EVA1C: variants seen among roughly 807,000 people sequenced by gnomAD.
EVA1C encodes protein eva-1 homolog C.
In EVA1C, 25 loss-of-function variants were observed where a neutral mutation model predicts 45.4. The ratio of observed to expected loss-of-function variants is 0.55; its 90% CI spans 0.40 to 0.77. The LOEUF is 0.77. Among genes scored for constraint, EVA1C ranks in the 30% least tolerant of loss-of-function variants. The pLI, the probability that EVA1C is intolerant of heterozygous loss-of-function variation, is 0.00. For missense variants in EVA1C, 479 were observed against 554.8 expected, an observed-to-expected ratio of 0.86 and a Z score of 1.37; for synonymous variants, 190 against 221.2, an observed-to-expected ratio of 0.86 and a Z score of 1.25.
chr21:32,510,361 C>T (rs562247514), intron 7 of EVA1C, among the ~76,000 whole-genome samples: 10 of 152,170 alleles, frequency 6.6e-5, no homozygotes, highest in African/African-American at 1.9e-4. Flanking sequence ...GGCCGATTTC[C>T]GCCATTACTT....
At chr21:32,413,232 T>C (rs1451076616) in intron 1 of EVA1C, among the ~76,000 whole-genome samples, 3 of 152,246 alleles carry the variant, frequency 2.0e-5, no homozygotes, top group Admixed American at 1.3e-4. Context: ...GTGTAATGTA[T>C]TCAGAGTTTC....
chr21:32,510,511 T>C (rs1191866914), intron 7 of EVA1C, among the ~76,000 whole-genome samples: 1 of 152,164 alleles, frequency 6.6e-6, no homozygotes, highest in Non-Finnish European at 1.5e-5. Flanking sequence ...CTGTGGTCGC[T>C]TTTGCACTAC....
chr21:32,473,854 T>C (rs2036467098), intron 4 of EVA1C: 1 of 936,274 alleles, frequency 1.1e-6, no homozygotes. Context: ...GAACCTTCCA[T>C]GTGAGGCTGA....
intron 1 of EVA1C, among the ~76,000 whole-genome samples, chr21:32,447,861 A>G (rs1382310693): frequency 6.6e-6 from 1 of 152,020 alleles, no homozygotes; most frequent in Non-Finnish European, 1.5e-5. Flanking sequence ...GCCTGCCACC[A>G]CGTCCGGCTA....
At chr21:32,463,780 A>G (rs2036082208) in intron 3 of EVA1C, among the ~76,000 whole-genome samples, 1 of 127,598 alleles carries the variant, frequency 7.8e-6, no homozygotes, top group Non-Finnish European at 1.6e-5. Context: ...ATTTTGATTT[A>G]TAAAAAAAGA....
chr21:32,448,985 G>A (rs11910796), intron 1 of EVA1C, among the ~76,000 whole-genome samples: 2,447 of 144,904 alleles, frequency 0.017, 68 homozygotes, highest in African/African-American at 0.06. Flanking sequence ...GAAAGAAAGA[G>A]AGAAAGAAAG....
At chr21:32,434,293 C>G in intron 1 of EVA1C, among the ~76,000 whole-genome samples, 1 of 149,022 alleles carries the variant, frequency 6.7e-6, no homozygotes, top group Non-Finnish European at 1.5e-5. Context: ...AGGATTCTGT[C>G]TCAAAATAAA....
At chr21:32,497,355 T>C in intron 5 of EVA1C, 1 of 440,160 alleles carries the variant, frequency 2.3e-6, no homozygotes, top group Non-Finnish European at 4.1e-6. Flanking sequence ...CAAGAAACCA[T>C]GGGTTTCCTG....
At chr21:32,484,840 T>A (rs2146365834) in intron 4 of EVA1C, among the ~76,000 whole-genome samples, 1 of 152,306 alleles carries the variant, frequency 6.6e-6, no homozygotes, top group African/African-American at 2.4e-5. Flanking sequence ...GCCACGCCAC[T>A]GGAGGAAGTT....
At chr21:32,421,549 C>A (rs2034273048) in intron 1 of EVA1C, among the ~76,000 whole-genome samples, 1 of 152,064 alleles carries the variant, frequency 6.6e-6, no homozygotes, top group Non-Finnish European at 1.5e-5. Context: ...ACTGGGAAAC[C>A]CAAGTTGAGA....
intron 1 of EVA1C, chr21:32,428,662 A>T (rs1179408403): frequency 1.3e-5 from 2 of 152,148 alleles, no homozygotes; most frequent in African/African-American, 4.8e-5. Flanking sequence ...TTCATTACCC[A>T]CATATTCTCT....
chr21:32,419,964 T>C lies in EVA1C; in HGVS notation c.160+6951T>C, dbSNP rs148898281. Among the ~76,000 whole-genome samples, 950 of 152,276 alleles carry C rather than the reference T, an allele frequency of 6.2e-3. 8 individuals carry two copies. Among genetic ancestry groups the C allele is most frequent in the African/African-American group, 0.022 (899 of 41,552 alleles). On this transcript the variant is annotated intron_variant, in intron 1 of 7. Transcript: ENST00000300255. ...GATTTTAGTACTGGAAAAAGAATCT[T>C]GGGTTGGAAAGGCAGCTGACCAAGT...
intron 1 of EVA1C, among the ~76,000 whole-genome samples, chr21:32,450,307 C>T (rs1252718493): frequency 6.6e-6 from 1 of 151,984 alleles, no homozygotes; most frequent in Admixed American, 6.5e-5. Context: ...GTCTGTGGAG[C>T]AGGCAGCTCC....
intron 1 of EVA1C, among the ~76,000 whole-genome samples, chr21:32,431,891 G>A (rs961161528): frequency 1.3e-5 from 2 of 152,100 alleles, no homozygotes; most frequent in African/African-American, 4.8e-5. Context: ...GCTACAATAC[G>A]GTTTTCTAAT....
chr21:32,464,818 G>A (rs112022234), intron 3 of EVA1C, among the ~76,000 whole-genome samples: 4,213 of 152,166 alleles, frequency 0.028, 194 homozygotes, highest in African/African-American at 0.095. Context: ...GTGAGACCCC[G>A]TCTCAAAAAA....
chr21:32,491,707 G>C (rs1345497796), intron 4 of EVA1C, among the ~76,000 whole-genome samples: 2 of 114,898 alleles, frequency 1.7e-5, no homozygotes, highest in South Asian at 5.9e-4. Context: ...AAAAAAAAAA[G>C]CACAGTGGAG....
intron 5 of EVA1C, among the ~76,000 whole-genome samples, chr21:32,497,590 C>T (rs2037394741): frequency 1.3e-5 from 2 of 152,090 alleles, no homozygotes; most frequent in Non-Finnish European, 1.5e-5. Context: ...GGTGCAGTTT[C>T]TAGTGTGCTT....
Position 32,452,712 on chromosome 21 carries a change from G to A in EVA1C, c.161-600G>A, listed in dbSNP as rs2035627397. On this transcript the variant is annotated intron_variant, in intron 1 of 7. Coordinates refer to ENST00000300255, the MANE Select transcript of EVA1C (RefSeq NM_058187.5). The surrounding 1 kb of genome is among the most constrained non-coding windows in gnomAD (Gnocchi z 4.0). Reference sequence around the variant, plus strand: ...GTGGAGGAGGTGGCTCTCGGATGGGGAGCCAGAAGGGGGATGGAGTGGGAA... The same window carrying A: ...GTGGAGGAGGTGGCTCTCGGATGGGAAGCCAGAAGGGGGATGGAGTGGGAA... The A allele has an allele frequency of 6.6e-6, 1 of 152,380 alleles. No homozygotes were observed. Among genetic ancestry groups the A allele is most frequent in the Non-Finnish European group, 1.5e-5 (1 of 68,088 alleles). 9.4% of individuals were successfully genotyped at this position (152,380 alleles called of 1,614,324 possible). A position where few individuals can be genotyped will look rare whatever the true frequency, so the allele number is the denominator to read the frequency against.
chr21:32,495,325 C>A (rs1163375327), intron 5 of EVA1C, among the ~76,000 whole-genome samples, 155 bp downstream of exon 5: 1 of 151,900 alleles, frequency 6.6e-6, no homozygotes, highest in South Asian at 2.1e-4. Flanking sequence ...CCCTTTTTTT[C>A]TTTCTTATTC....
Sources: gnomAD v4.1 joint callset for allele counts (sites outside exome capture counted in the v4.1 genomes callset) on GRCh38, gnomAD v4.1.1 for gene constraint, Gnocchi (gnomAD v3.1) non-coding constraint, MANE v1.5 for transcripts, NCBI Gene and HGNC (gene_info 2026-07-23, HGNC 2026-07-21) for gene names.